Variants in GLRA2 observed in about 807,000 individuals in gnomAD.
GLRA2 encodes the protein glycine receptor subunit alpha-2.
A neutral mutation model predicts 31.6 loss-of-function variants in GLRA2; 11 were observed. That is an observed-to-expected ratio of 0.35 (90% CI 0.22 to 0.58). The LOEUF (loss-of-function observed/expected upper bound fraction) is 0.58, where lower values mean the gene tolerates loss of function less well. Among genes scored for constraint, GLRA2 ranks in the 20% least tolerant of loss-of-function variants. GLRA2 has a pLI of 0.84. For missense variants in GLRA2, 212 were observed against 351.8 expected, an observed-to-expected ratio of 0.60 and a Z score of 3.18; for synonymous variants, 132 against 134.0, an observed-to-expected ratio of 0.99 and a Z score of 0.10.
intron 2 of GLRA2, among the ~76,000 whole-genome samples, chrX:14,572,271 T>C (rs886625406): frequency 8.9e-6 from 1 of 112,441 alleles, no homozygotes. Context: ...AACCAATGTT[T>C]AAATTTTCAA....
the GLRA2 span, among the ~76,000 whole-genome samples, chrX:14,473,928 T>C: frequency 8.9e-6 from 1 of 112,155 alleles, no homozygotes; most frequent in Non-Finnish European, 1.9e-5. Context: ...TGAACTTATC[T>C]GGTTGTTTCC....
intron 4 of GLRA2, among the ~76,000 whole-genome samples, chrX:14,583,739 A>C (rs938663519): frequency 1.8e-5 from 2 of 111,146 alleles, no homozygotes; most frequent in Non-Finnish European, 3.8e-5. Flanking sequence ...ACTCTGTGTC[A>C]ACAAACAAAA....
the GLRA2 span, among the ~76,000 whole-genome samples, chrX:14,520,779 AG>A: frequency 8.9e-6 from 1 of 112,611 alleles, no homozygotes; most frequent in South Asian, 3.7e-4. Flanking sequence ...TGAAAATTAG[AG>A]AGAGTAAATG....
intron 7 of GLRA2, among the ~76,000 whole-genome samples, chrX:14,649,347 A>G (rs922153272): frequency 3.6e-5 from 4 of 111,938 alleles, no homozygotes; most frequent in African/African-American, 1.3e-4. Flanking sequence ...TAATTTTTAC[A>G]ATATTCCCAA....
chrX:14,674,367 CA>C (rs1283421417), intron 7 of GLRA2, among the ~76,000 whole-genome samples: 1 of 112,218 alleles, frequency 8.9e-6, no homozygotes, highest in African/African-American at 3.2e-5. Flanking sequence ...CACAAAACAT[CA>C]AATACAAGAT....
At chrX:14,508,443 G>T in the GLRA2 span, among the ~76,000 whole-genome samples, 2 of 112,270 alleles carry the variant, frequency 1.8e-5, no homozygotes, top group African/African-American at 6.5e-5. Context: ...CCATTAGCTT[G>T]AGGACAAGAG....
chrX:14,625,594 C>G (rs1316158982), intron 7 of GLRA2, among the ~76,000 whole-genome samples: 1 of 111,354 alleles, frequency 9.0e-6, no homozygotes, highest in African/African-American at 3.3e-5. Flanking sequence ...GATTTTATTT[C>G]TCCTTCACTT....
At chrX:14,493,136 C>T in the GLRA2 span, among the ~76,000 whole-genome samples, 1 of 110,988 alleles carries the variant, frequency 9.0e-6, no homozygotes, top group African/African-American at 3.3e-5. Flanking sequence ...CACATACATT[C>T]AAACCATATC....
At chrX:14,708,259 C>T (rs11094655) in intron 8 of GLRA2, among the ~76,000 whole-genome samples, 49,650 of 109,849 alleles carry the variant, frequency 0.45, 8,844 homozygotes, top group Non-Finnish European at 0.57. Flanking sequence ...AAGTGAGAAC[C>T]TGCAGTATTT....
At chrX:14,587,168 A>G (rs1269067546) in intron 4 of GLRA2, among the ~76,000 whole-genome samples, 1 of 112,399 alleles carries the variant, frequency 8.9e-6, no homozygotes, top group Non-Finnish European at 1.9e-5. Context: ...TCTATGGTAT[A>G]TATGTATCAC....
chrX:14,581,301 C>G lies in GLRA2; in HGVS notation c.389C>G (p.Pro130Arg), dbSNP rs1356264754. The G allele has an allele frequency of 8.3e-7, 1 of 1,197,801 alleles. No individual in the cohort carries two copies. ...DPSMLDSIWK[P>R]DLFFANEKGA... ...TCCATGCTAGACTCCATTTGGAAAC[C>G]AGATTTGTTCTTTGCCAATGAGAAG... Residue 130 changes from proline (P) to arginine (R), a missense_variant, in exon 4 of 9, where the codon CCA becomes CGA. Physicochemically the swap from Pro to Arg is moderately radical, Grantham distance 103 (BLOSUM62 -2). This residue lies in a region of GLRA2 where 110 missense variants were observed against 232.6 expected (regional missense o/e 0.47). Transcript: ENST00000218075.
chrX:14,646,709 G>A (rs139593526), intron 7 of GLRA2, among the ~76,000 whole-genome samples: 1,946 of 111,967 alleles, frequency 0.017, 16 homozygotes, highest in Middle Eastern at 0.046. Context: ...TGTGCAGGTA[G>A]ACATACGATA....
rs145539494 is a variant in GLRA2, at chrX:14,623,582, G to A, written c.930+14377G>A. Among the ~76,000 whole-genome samples the A allele has an allele frequency of 3.2e-3, 352 of 111,573 alleles. 1 individual carries two copies. Among genetic ancestry groups the A allele is most frequent in the African/African-American group, 0.011 (338 of 30,664 alleles). On this transcript the variant is annotated intron_variant, in intron 7 of 8. Transcript: ENST00000218075. Reference sequence around the variant, plus strand: ...GAAGGGCCATTGAATTTTGTCAAAGGCCTTTTCTGCATCTATTGAGATAAT... The same window carrying A: ...GAAGGGCCATTGAATTTTGTCAAAGACCTTTTCTGCATCTATTGAGATAAT...
At chrX:14,494,623 G>C in the GLRA2 span, among the ~76,000 whole-genome samples, 1 of 111,444 alleles carries the variant, frequency 9.0e-6, no homozygotes, top group African/African-American at 3.3e-5. Context: ...TGAAACTGAG[G>C]TGTTTCCTAC....
chrX:14,652,776 A>G (rs1319462070), intron 7 of GLRA2, among the ~76,000 whole-genome samples: 1 of 111,469 alleles, frequency 9.0e-6, no homozygotes, highest in African/African-American at 3.3e-5. Flanking sequence ...AGACACAGCA[A>G]TATTGAAATT....
the GLRA2 span, among the ~76,000 whole-genome samples, chrX:14,513,029 A>G: frequency 2.7e-5 from 3 of 112,222 alleles, no homozygotes; most frequent in Non-Finnish European, 3.8e-5. Flanking sequence ...CTATAAGGCC[A>G]TAGTCACCAA....
intron 2 of GLRA2, among the ~76,000 whole-genome samples, chrX:14,533,992 C>G (rs1438163472): frequency 3.6e-5 from 4 of 111,023 alleles, no homozygotes; most frequent in African/African-American, 1.3e-4. Flanking sequence ...TCATTTCTTT[C>G]TAGAAATACT....
chrX:14,510,443 C>T, the GLRA2 span, among the ~76,000 whole-genome samples: 4 of 111,328 alleles, frequency 3.6e-5, no homozygotes, highest in African/African-American at 1.3e-4. Flanking sequence ...TTTTGCAGTC[C>T]ATTAACATTG....
chrX:14,488,088 C>T, the GLRA2 span, among the ~76,000 whole-genome samples: 2 of 111,478 alleles, frequency 1.8e-5, no homozygotes, highest in African/African-American at 3.3e-5. Flanking sequence ...AGAATGCATA[C>T]TCCCCTCATC....
Sources: allele counts gnomAD v4.1 joint callset (sites outside exome capture counted in the v4.1 genomes callset), GRCh38; gene constraint gnomAD v4.1.1; regional missense constraint gnomAD v4.1.1; transcripts MANE v1.5; gene names NCBI Gene and HGNC (gene_info 2026-07-23, HGNC 2026-07-21).